NEGR1: variants seen among roughly 807,000 people sequenced by gnomAD.
NEGR1 encodes IgLON family member 4.
Under a neutral mutation model 40.9 loss-of-function variants are expected in NEGR1, and 10 were observed. That is an observed-to-expected ratio of 0.24 (90% CI 0.15 to 0.42). The LOEUF (loss-of-function observed/expected upper bound fraction) is 0.42. NEGR1 is among the 10% of genes least tolerant of loss of function. The pLI is 1.00. For synonymous variants in NEGR1, 185 were observed against 166.8 expected, an observed-to-expected ratio of 1.11 and a Z score of -0.84; for missense variants, 352 against 438.9, an observed-to-expected ratio of 0.80 and a Z score of 1.77.
intron 1 of NEGR1, among the ~76,000 whole-genome samples, chr1:72,090,033 A>G (rs958183974): frequency 6.6e-6 from 1 of 152,138 alleles, no homozygotes; most frequent in Non-Finnish European, 1.5e-5. Flanking sequence ...GTTAGATTTT[A>G]GTCTTTGTCA....
At chr1:71,431,322 T>A (rs1427576710) in intron 6 of NEGR1, among the ~76,000 whole-genome samples, 2 of 152,054 alleles carry the variant, frequency 1.3e-5, no homozygotes, top group Non-Finnish European at 2.9e-5. Context: ...TAGCTCCCAA[T>A]TTTTCTAGCA....
intron 2 of NEGR1, among the ~76,000 whole-genome samples, chr1:71,895,109 G>A (rs1055058972): frequency 1.3e-5 from 2 of 152,126 alleles, no homozygotes; most frequent in Non-Finnish European, 2.9e-5. Context: ...AGTGACTAGG[G>A]TAATAGGTAC....
At chr1:71,903,823 A>AC (rs1661205490) in intron 2 of NEGR1, among the ~76,000 whole-genome samples, 2 of 151,336 alleles carry the variant, frequency 1.3e-5, no homozygotes, top group African/African-American at 4.8e-5. Context: ...TTCTCTCTCT[A>AC]TTATATATAT....
At chr1:71,868,932 T>C (rs991408124) in intron 2 of NEGR1, among the ~76,000 whole-genome samples, 1 of 152,086 alleles carries the variant, frequency 6.6e-6, no homozygotes, top group Admixed American at 6.6e-5. Context: ...TTCATCAGGC[T>C]CTTTCCTCTT....
intron 3 of NEGR1, among the ~76,000 whole-genome samples, chr1:71,736,285 C>T (rs1352894865): frequency 6.6e-6 from 1 of 151,978 alleles, no homozygotes; most frequent in Admixed American, 6.6e-5. Context: ...AATTTTATGT[C>T]TAAAATGTGG....
At chr1:71,614,922 G>A (rs761555235) in intron 4 of NEGR1, among the ~76,000 whole-genome samples, 28 of 152,122 alleles carry the variant, frequency 1.8e-4, no homozygotes, top group Non-Finnish European at 3.2e-4. Flanking sequence ...GGGCTGCTAT[G>A]ATGGACACCG....
chr1:71,711,787 T>C (rs1326292590), intron 3 of NEGR1, among the ~76,000 whole-genome samples: 1 of 152,338 alleles, frequency 6.6e-6, no homozygotes, highest in Non-Finnish European at 1.5e-5. Flanking sequence ...GTACATGCAA[T>C]CCAATTTGCT....
intron 6 of NEGR1, among the ~76,000 whole-genome samples, chr1:71,570,041 G>A (rs536339496): frequency 1.3e-5 from 2 of 152,254 alleles, no homozygotes; most frequent in East Asian, 3.9e-4. Flanking sequence ...ATTTCTTGAT[G>A]CCTATTTCCT....
chr1:72,121,067 A>T (rs780415505), intron 1 of NEGR1, among the ~76,000 whole-genome samples: 2 of 152,058 alleles, frequency 1.3e-5, no homozygotes, highest in Non-Finnish European at 2.9e-5. Flanking sequence ...TTTCTTTCAC[A>T]GTGTAGTCAT....
intron 6 of NEGR1, among the ~76,000 whole-genome samples, chr1:71,560,923 AGAACTGGGTTT>A (rs1363303847): frequency 6.6e-6 from 1 of 151,600 alleles, no homozygotes; most frequent in African/African-American, 2.4e-5. Context: ...CTGTCTAGGT[AGAACTGGGTTT>A]GAATCAGGCT....
intron 4 of NEGR1, among the ~76,000 whole-genome samples, chr1:71,619,896 C>A (rs1650557443): frequency 6.6e-6 from 1 of 152,096 alleles, no homozygotes; most frequent in African/African-American, 2.4e-5. Context: ...GATTCATTTT[C>A]TTAGTTACTT....
chr1:72,081,506 TAA>T (rs1647995500), intron 1 of NEGR1, among the ~76,000 whole-genome samples: 1 of 152,122 alleles, frequency 6.6e-6, no homozygotes, highest in Non-Finnish European at 1.5e-5. Context: ...TGCCACATTT[TAA>T]AGTTATATGT....
chr1:72,024,941 A>G (rs1172185345), intron 1 of NEGR1, among the ~76,000 whole-genome samples: 2 of 152,222 alleles, frequency 1.3e-5, no homozygotes, highest in Non-Finnish European at 2.9e-5. Context: ...GCACATTAGC[A>G]TAATATAATT....
At chr1:72,085,213 C>CATAT (rs545685852) in intron 1 of NEGR1, among the ~76,000 whole-genome samples, 1 of 151,912 alleles carries the variant, frequency 6.6e-6, no homozygotes, top group African/African-American at 2.4e-5. Context: ...GGTATATGCG[C>CATAT]ATATATATAT....
intron 1 of NEGR1, among the ~76,000 whole-genome samples, chr1:71,955,044 T>A (rs537207538): frequency 1.3e-5 from 2 of 152,246 alleles, no homozygotes; most frequent in African/African-American, 4.8e-5. Context: ...ACAGGTAGAT[T>A]TCGGATTTAA....
intron 2 of NEGR1, among the ~76,000 whole-genome samples, chr1:71,819,834 A>T (rs1658361158): frequency 6.6e-6 from 1 of 152,014 alleles, no homozygotes; most frequent in African/African-American, 2.4e-5. Context: ...TGAATATTCA[A>T]TGTACAGTTG....
intron 3 of NEGR1, among the ~76,000 whole-genome samples, chr1:71,744,079 G>T (rs1655302636): frequency 6.6e-6 from 1 of 151,972 alleles, no homozygotes; most frequent in Admixed American, 6.6e-5. Flanking sequence ...TTTTATATCT[G>T]GGAAGACAGA....
At chr1:71,825,340 T>C (rs750692305) in intron 2 of NEGR1, among the ~76,000 whole-genome samples, 21 of 151,954 alleles carry the variant, frequency 1.4e-4, no homozygotes, top group Non-Finnish European at 2.5e-4. Flanking sequence ...CTGTTTTTAA[T>C]AGGCATTTTA....
chr1:71,819,895 G>A (rs1338293951), intron 2 of NEGR1, among the ~76,000 whole-genome samples: 1 of 151,930 alleles, frequency 6.6e-6, no homozygotes, highest in East Asian at 1.9e-4. Context: ...AGACACCAAG[G>A]CCATTATGTA....
Sources: allele counts gnomAD v4.1 joint callset (sites outside exome capture counted in the v4.1 genomes callset), GRCh38; gene constraint gnomAD v4.1.1; transcripts MANE v1.5; gene names NCBI Gene and HGNC (gene_info 2026-07-23, HGNC 2026-07-21).